PAK3: variants seen among roughly 807,000 people sequenced by gnomAD.
PAK3 encodes the protein p21 (RAC1) activated kinase 3.
Under a neutral mutation model 41.0 loss-of-function variants are expected in PAK3, and 4 were observed. The observed-to-expected ratio is 0.10, with a 90% CI of 0.05 to 0.22. PAK3 has a LOEUF of 0.22. Among genes scored for constraint, PAK3 ranks in the 10% least tolerant of loss-of-function variants. The probability of loss-of-function intolerance (pLI) is 1.00; values close to 1 mark genes in which losing one functional copy is unlikely to be tolerated. For synonymous variants in PAK3, 146 were observed against 139.6 expected, an observed-to-expected ratio of 1.05 and a Z score of -0.32; for missense variants, 205 against 409.9, an observed-to-expected ratio of 0.50 and a Z score of 4.32.
intron 1 of PAK3, among the ~76,000 whole-genome samples, chrX:110,953,869 G>T (rs142641923): frequency 8.9e-6 from 1 of 111,796 alleles, no homozygotes; most frequent in Non-Finnish European, 1.9e-5. Context: ...AAGCCCTTTG[G>T]CACACTACCT....
intron 5 of PAK3, among the ~76,000 whole-genome samples, chrX:111,138,883 G>A (rs1383933270): frequency 9.0e-6 from 1 of 110,607 alleles, no homozygotes; most frequent in Non-Finnish European, 1.9e-5. Flanking sequence ...CAGGAGAATC[G>A]CTTGAACCCG....
chrX:111,084,572 A>G (rs1216866471), intron 1 of PAK3, among the ~76,000 whole-genome samples: 3 of 111,881 alleles, frequency 2.7e-5, no homozygotes, highest in Non-Finnish European at 5.6e-5. Context: ...GATATTGTTG[A>G]CTTCTAGACT....
chrX:111,148,696 A>G (rs781110830), intron 7 of PAK3, among the ~76,000 whole-genome samples: 4 of 111,593 alleles, frequency 3.6e-5, no homozygotes, highest in Non-Finnish European at 3.8e-5. Context: ...CTTGTTCATT[A>G]TCATGAGAAT....
intron 16 of PAK3, 114 bp downstream of exon 16, chrX:111,196,754 A>G: frequency 2.1e-6 from 1 of 487,428 alleles, no homozygotes; most frequent in Non-Finnish European, 3.6e-6. Flanking sequence ...GACCAGTAAC[A>G]TAGAAGCACC....
At chrX:111,059,456 G>A (rs975707552) in intron 1 of PAK3, among the ~76,000 whole-genome samples, 39 of 111,649 alleles carry the variant, frequency 3.5e-4, no homozygotes, top group African/African-American at 1.3e-3. Context: ...ACAGGCATGA[G>A]CCACTGCACC....
chrX:110,950,655 A>G (rs1184690987), intron 1 of PAK3, among the ~76,000 whole-genome samples: 1 of 111,906 alleles, frequency 8.9e-6, no homozygotes, highest in Admixed American at 9.5e-5. Flanking sequence ...ACTGCATAGT[A>G]TTCTATTATA....
At chrX:111,201,763 T>G (rs981288714) in intron 16 of PAK3, among the ~76,000 whole-genome samples, 5 of 110,751 alleles carry the variant, frequency 4.5e-5, no homozygotes, top group Admixed American at 9.7e-5. Context: ...AGAGTTAGCA[T>G]GAAAACTAAA....
At chrX:111,194,931 C>G (rs1344277212) in intron 14 of PAK3, among the ~76,000 whole-genome samples, 1 of 112,435 alleles carries the variant, frequency 8.9e-6, no homozygotes, top group Non-Finnish European at 1.9e-5. Context: ...CGGTCTGTCT[C>G]TTTTCCAGTA....
intron 1 of PAK3, among the ~76,000 whole-genome samples, chrX:110,965,565 C>A (rs1425023222): frequency 1.8e-5 from 2 of 112,216 alleles, no homozygotes; most frequent in African/African-American, 3.2e-5. Context: ...GTTAAGAAGA[C>A]CAGCTCCAGG....
At chrX:111,115,558 T>C (rs1457614371) in intron 4 of PAK3, among the ~76,000 whole-genome samples, 3 of 111,525 alleles carry the variant, frequency 2.7e-5, no homozygotes, top group Admixed American at 9.5e-5. Context: ...TGTTATTTCC[T>C]CTTCCTTAAC....
intron 16 of PAK3, among the ~76,000 whole-genome samples, chrX:111,207,761 A>C (rs1268188121): frequency 9.0e-6 from 1 of 111,723 alleles, no homozygotes; most frequent in Non-Finnish European, 1.9e-5. Flanking sequence ...GCCTAGGCTA[A>C]TGTGTTTGTT....
intron 1 of PAK3, among the ~76,000 whole-genome samples, chrX:110,955,457 G>C (rs1471127422): frequency 1.8e-5 from 2 of 111,449 alleles, no homozygotes; most frequent in African/African-American, 6.5e-5. Context: ...CCGGTAATGA[G>C]AGTCAATAGG....
chrX:110,977,580 C>A (rs986391130), intron 1 of PAK3, among the ~76,000 whole-genome samples: 3 of 110,427 alleles, frequency 2.7e-5, no homozygotes, highest in Non-Finnish European at 3.8e-5. Context: ...TTTCTTTCAA[C>A]AATGTTTTGT....
At chrX:111,103,896 C>T (rs1005277104) in intron 4 of PAK3, among the ~76,000 whole-genome samples, 2 of 111,774 alleles carry the variant, frequency 1.8e-5, no homozygotes, top group Non-Finnish European at 1.9e-5. Context: ...GAGTCTGTAG[C>T]GTGCAGGGTA....
At chrX:110,985,644 C>G (rs748469383) in intron 1 of PAK3, among the ~76,000 whole-genome samples, 1 of 112,127 alleles carries the variant, frequency 8.9e-6, no homozygotes, top group Non-Finnish European at 1.9e-5. Context: ...GTTGCAAGAC[C>G]AGTTTGGTCA....
chrX:111,132,788 C>T (rs891590951), intron 5 of PAK3, among the ~76,000 whole-genome samples: 2 of 111,636 alleles, frequency 1.8e-5, no homozygotes, highest in Non-Finnish European at 1.9e-5. Context: ...GTTGTGCCTA[C>T]TTTTTATGTG....
Position 111,223,266 on chromosome X carries a change from G to A in PAK3, c.*2819G>A, listed in dbSNP as rs1395773034. 2 of 110,714 alleles carry A rather than the reference G, an allele frequency of 1.8e-5. No individual in the cohort carries two copies. The highest frequency in any genetic ancestry group is 5.7e-4 in the East Asian group (2 of 3,530). 9.1% of individuals were successfully genotyped at this position (110,714 alleles called of 1,213,427 possible). On this transcript the variant is annotated 3_prime_UTR_variant, in exon 18 of 18. Transcript: ENST00000372007. ...TCCTGAGTTAGGAATAGGGCAGTGGGAAAGTCAGGGAAGGGTGAGAAGCAC... is the reference window on the plus strand; with the variant it reads ...TCCTGAGTTAGGAATAGGGCAGTGGAAAAGTCAGGGAAGGGTGAGAAGCAC...
chrX:111,106,551 C>T (rs1396306291), intron 4 of PAK3, among the ~76,000 whole-genome samples: 1 of 110,968 alleles, frequency 9.0e-6, no homozygotes, highest in Admixed American at 9.6e-5. Flanking sequence ...TCACATTGAC[C>T]CACATCTATT....
chrX:111,164,860 T>C (rs2094235585), intron 10 of PAK3, among the ~76,000 whole-genome samples: 1 of 111,689 alleles, frequency 9.0e-6, no homozygotes, highest in African/African-American at 3.3e-5. Flanking sequence ...TAAGATAATC[T>C]CGTTTCATGC....
Sources: allele counts gnomAD v4.1 joint callset (sites outside exome capture counted in the v4.1 genomes callset), GRCh38; gene constraint gnomAD v4.1.1; transcripts MANE v1.5; gene names NCBI Gene and HGNC (gene_info 2026-07-23, HGNC 2026-07-21).